Variants in ARHGAP32 observed in about 807,000 individuals in gnomAD.
The protein encoded by ARHGAP32 is rho GTPase-activating protein 32.
ARHGAP32 carries 51 observed loss-of-function variants against 186.5 expected under a neutral mutation model. The ratio of observed to expected loss-of-function variants is 0.27; its 90% CI spans 0.22 to 0.35. The LOEUF (loss-of-function observed/expected upper bound fraction) is 0.35. ARHGAP32 is among the 10% of genes least tolerant of loss of function. The probability of loss-of-function intolerance (pLI) is 1.00; values close to 1 mark genes in which losing one functional copy is unlikely to be tolerated. For missense variants in ARHGAP32, 2,186 were observed against 2,623.5 expected (o/e 0.83, Z 3.64); for synonymous variants, 950 against 964.3 (o/e 0.99, Z 0.27).
chr11:128,995,528 C>T (rs1400099594), intron 12 of ARHGAP32, among the ~76,000 whole-genome samples: 2 of 152,210 alleles, frequency 1.3e-5, no homozygotes, highest in Non-Finnish European at 2.9e-5. Flanking sequence ...AAATTTTTAA[C>T]AGCTTCAACA....
chr11:129,119,022 T>C (rs1272866003), intron 5 of ARHGAP32, among the ~76,000 whole-genome samples: 1 of 152,176 alleles, frequency 6.6e-6, no homozygotes, highest in Admixed American at 6.5e-5. Context: ...TCAAGCTCCA[T>C]GGAAGTAGAC....
At chr11:129,040,044 T>A (rs1235466321) in intron 11 of ARHGAP32, among the ~76,000 whole-genome samples, 1 of 152,206 alleles carries the variant, frequency 6.6e-6, no homozygotes, top group Non-Finnish European at 1.5e-5. Flanking sequence ...AACCTTTACT[T>A]AAATACTATT....
chr11:129,235,900 A>C (rs866789887), intron 1 of ARHGAP32, among the ~76,000 whole-genome samples: 2 of 145,660 alleles, frequency 1.4e-5, no homozygotes, highest in African/African-American at 5.2e-5. Flanking sequence ...GTCATTCATA[A>C]ACACACACAC....
intron 11 of ARHGAP32, among the ~76,000 whole-genome samples, chr11:129,001,348 T>G (rs1946353878): frequency 6.6e-6 from 1 of 152,236 alleles, no homozygotes; most frequent in Admixed American, 6.5e-5. Flanking sequence ...TAGTTTTAAT[T>G]TGCATTTCTC....
chr11:128,979,738 G>A (rs913052366), intron 18 of ARHGAP32, among the ~76,000 whole-genome samples: 2 of 152,298 alleles, frequency 1.3e-5, no homozygotes, highest in African/African-American at 4.8e-5. Context: ...AAATTCTAAA[G>A]TTATATTAGT....
chr11:129,082,691 A>G (rs1243973283), intron 6 of ARHGAP32, among the ~76,000 whole-genome samples: 2 of 152,202 alleles, frequency 1.3e-5, no homozygotes, highest in Non-Finnish European at 2.9e-5. Flanking sequence ...TGGCTTAGGC[A>G]AAGACTTCAT....
At chr11:129,051,078 T>C (rs951231448) in intron 10 of ARHGAP32, among the ~76,000 whole-genome samples, 1 of 152,348 alleles carries the variant, frequency 6.6e-6, no homozygotes, top group South Asian at 2.1e-4. Context: ...GTCTTTGCTA[T>C]TGTGAACAAT....
chr11:129,158,471 G>C (rs749847088), intron 2 of ARHGAP32, among the ~76,000 whole-genome samples: 1 of 146,434 alleles, frequency 6.8e-6, no homozygotes. Flanking sequence ...GATCAAAAAA[G>C]ACAAGAGCTA....
At chr11:129,202,587 T>C (rs1448477423) in intron 1 of ARHGAP32, among the ~76,000 whole-genome samples, 1 of 152,232 alleles carries the variant, frequency 6.6e-6, no homozygotes, top group Non-Finnish European at 1.5e-5. Flanking sequence ...ATTCTTTTCA[T>C]ATCAAGATCT....
At chr11:129,186,084 T>A (rs1307241428) in intron 1 of ARHGAP32, among the ~76,000 whole-genome samples, 1 of 152,140 alleles carries the variant, frequency 6.6e-6, no homozygotes, top group Non-Finnish European at 1.5e-5. Context: ...TTCAGGGATT[T>A]CAATTTATTT....
chr11:129,101,382 G>A (rs767268706), intron 5 of ARHGAP32, among the ~76,000 whole-genome samples: 1 of 152,052 alleles, frequency 6.6e-6, no homozygotes, highest in Non-Finnish European at 1.5e-5. Flanking sequence ...ATAGAATTCA[G>A]AATATGCATA....
intron 2 of ARHGAP32, among the ~76,000 whole-genome samples, chr11:129,145,976 C>T (rs562882089): frequency 3.3e-4 from 50 of 152,148 alleles, no homozygotes; most frequent in African/African-American, 1.2e-3. Flanking sequence ...AAATTCAAAA[C>T]CTGGGCTTTG....
chr11:129,143,227 C>T (rs1372259865), intron 2 of ARHGAP32, among the ~76,000 whole-genome samples: 1 of 151,876 alleles, frequency 6.6e-6, no homozygotes, highest in Admixed American at 6.6e-5. Flanking sequence ...AAGATTTTAC[C>T]ATTGGTCTAA....
At chr11:129,132,346 G>A (rs906579670) in intron 2 of ARHGAP32, among the ~76,000 whole-genome samples, 1 of 152,112 alleles carries the variant, frequency 6.6e-6, no homozygotes, top group Non-Finnish European at 1.5e-5. Context: ...CAGGCATGGT[G>A]GCATGTGCCT....
chr11:129,189,254 C>T (rs1169287717), intron 1 of ARHGAP32, among the ~76,000 whole-genome samples: 2 of 152,100 alleles, frequency 1.3e-5, no homozygotes, highest in African/African-American at 4.8e-5. Flanking sequence ...CATCTGGGTT[C>T]AAATTTTTGT....
Position 128,973,881 on chromosome 11 carries a change from C to A in ARHGAP32, c.3073+243G>T, listed in dbSNP as rs372718322. 56 of 544,174 alleles carry A rather than the reference C, an allele frequency of 1.0e-4. 1 individual carries two copies. The South Asian group carries it at 1.4e-3, about 13-fold the overall frequency. 33.7% of individuals were successfully genotyped at this position (544,174 alleles called of 1,614,324 possible). A position where few individuals can be genotyped will look rare whatever the true frequency, so the allele number is the denominator to read the frequency against. On this transcript the variant is annotated intron_variant, in intron 21 of 22. Transcript: ENST00000682385. The stretch of plus-strand genomic sequence containing the variant: ...GTTGTGCAAAAATTATCCACGAATT[C>A]TCACCGTCCAAAGAGATAAGGGGAC...
chr11:129,159,916 CA>C (rs1943493561), intron 2 of ARHGAP32, among the ~76,000 whole-genome samples: 1 of 152,174 alleles, frequency 6.6e-6, no homozygotes, highest in Non-Finnish European at 1.5e-5. Context: ...GCTGGTTCAA[CA>C]TATGAAAATC....
At chr11:129,262,263 A>G (rs1402592710) in intron 1 of ARHGAP32, among the ~76,000 whole-genome samples, 1 of 152,176 alleles carries the variant, frequency 6.6e-6, no homozygotes, top group Non-Finnish European at 1.5e-5. Flanking sequence ...GGCATAAAGG[A>G]AGCCCCTAAT....
chr11:129,022,355 G>A (rs1326579041), intron 11 of ARHGAP32, among the ~76,000 whole-genome samples: 1 of 152,046 alleles, frequency 6.6e-6, no homozygotes, highest in African/African-American at 2.4e-5. Flanking sequence ...TATCAGAGGT[G>A]GTTTTTGATT....
Sources: allele counts gnomAD v4.1 joint callset (sites outside exome capture counted in the v4.1 genomes callset), GRCh38; gene constraint gnomAD v4.1.1; transcripts MANE v1.5; gene names NCBI Gene and HGNC (gene_info 2026-07-23, HGNC 2026-07-21).